The following FAF1 variants were observed in gnomAD, a reference collection of about 807,000 sequenced individuals.
FAF1 encodes the protein Fas associated factor 1.
In FAF1, 25 loss-of-function variants were observed where a neutral mutation model predicts 92.5. That is an observed-to-expected ratio of 0.27 (90% confidence interval 0.20 to 0.38). The LOEUF is 0.38. Ranked by LOEUF, FAF1 falls within the 10% of genes least tolerant of loss-of-function variation. FAF1 has a pLI of 1.00. For missense variants in FAF1, 636 were observed against 793.3 expected (o/e 0.80, Z 2.38); for synonymous variants, 234 against 273.2 (o/e 0.86, Z 1.42).
chr1:50,471,184 T>A (rs921045940), intron 18 of FAF1: 1 of 152,206 alleles, frequency 6.6e-6, no homozygotes, highest in African/African-American at 2.4e-5. Flanking sequence ...ATAGTATCCA[T>A]GTGTTATCGA....
intron 7 of FAF1, among the ~76,000 whole-genome samples, chr1:50,692,176 A>G (rs1656957813): frequency 1.3e-5 from 2 of 151,132 alleles, no homozygotes; most frequent in Admixed American, 1.3e-4. Context: ...TGATTGTGCC[A>G]CTGCACTGCA....
At chr1:50,725,073 G>A (rs1165795917) in intron 6 of FAF1, among the ~76,000 whole-genome samples, 2 of 152,162 alleles carry the variant, frequency 1.3e-5, no homozygotes, top group East Asian at 3.8e-4. Flanking sequence ...TAGGACTCAG[G>A]TCTAGGCCAC....
At chr1:50,670,758 C>G (rs996664724) in intron 7 of FAF1, among the ~76,000 whole-genome samples, 5 of 151,716 alleles carry the variant, frequency 3.3e-5, no homozygotes, top group African/African-American at 1.2e-4. Context: ...ATGGCAAAAC[C>G]CCGTCTCTAT....
chr1:50,746,126 A>C (rs568863109), intron 4 of FAF1, among the ~76,000 whole-genome samples: 1 of 151,252 alleles, frequency 6.6e-6, no homozygotes, highest in East Asian at 1.9e-4. Flanking sequence ...TGAAGTTGAG[A>C]ATGATGACTT....
intron 1 of FAF1, among the ~76,000 whole-genome samples, chr1:50,868,965 C>T (rs919818266): frequency 1.3e-5 from 2 of 152,190 alleles, no homozygotes; most frequent in East Asian, 3.9e-4. Flanking sequence ...ACTGATTCTA[C>T]TTGTTCTATT....
intron 15 of FAF1, among the ~76,000 whole-genome samples, chr1:50,510,651 G>A: frequency 6.6e-6 from 1 of 152,134 alleles, no homozygotes; most frequent in East Asian, 1.9e-4. Context: ...GCACCAGATG[G>A]AATTCAGAAG....
chr1:50,461,520 G>A (rs1306366010), intron 18 of FAF1: 1 of 152,122 alleles, frequency 6.6e-6, no homozygotes, highest in Non-Finnish European at 1.5e-5. Context: ...CAGAAACTGA[G>A]GGTACAAAGG....
intron 1 of FAF1, among the ~76,000 whole-genome samples, chr1:50,875,233 A>G (rs1286092327): frequency 4.6e-5 from 7 of 151,658 alleles, no homozygotes. Context: ...TTATTTTCAG[A>G]CTGTAGATTT....
At chr1:50,637,667 T>TCA (rs1448788737) in intron 8 of FAF1, among the ~76,000 whole-genome samples, 1 of 131,734 alleles carries the variant, frequency 7.6e-6, no homozygotes, top group Non-Finnish European at 1.7e-5. Flanking sequence ...ACTCTGTGGC[T>TCA]CACACATATA....
chr1:50,676,176 G>A (rs1276221770), intron 7 of FAF1, among the ~76,000 whole-genome samples: 1 of 152,108 alleles, frequency 6.6e-6, no homozygotes, highest in East Asian at 1.9e-4. Flanking sequence ...GGAGGCCGAG[G>A]CCAGCAGATC....
At chr1:50,771,753 C>T (rs944758127) in intron 4 of FAF1, among the ~76,000 whole-genome samples, 6 of 151,982 alleles carry the variant, frequency 3.9e-5, no homozygotes, top group Non-Finnish European at 5.9e-5. Flanking sequence ...ATACAAAAAT[C>T]AGCTGGGCGT....
intron 2 of FAF1, among the ~76,000 whole-genome samples, chr1:50,833,157 A>T (rs1428728933): frequency 6.6e-6 from 1 of 152,132 alleles, no homozygotes; most frequent in Non-Finnish European, 1.5e-5. Flanking sequence ...TAGGTTTAAA[A>T]GTCCACAAGA....
At chr1:50,570,696 T>A (rs1650397395) in intron 12 of FAF1, among the ~76,000 whole-genome samples, 1 of 152,184 alleles carries the variant, frequency 6.6e-6, no homozygotes, top group South Asian at 2.1e-4. Context: ...CAACAAAAAA[T>A]TTTCTGCTGC....
intron 2 of FAF1, among the ~76,000 whole-genome samples, chr1:50,819,911 TATAA>T (rs1469729140): frequency 1.4e-5 from 2 of 147,868 alleles, no homozygotes; most frequent in African/African-American, 5.0e-5. Context: ...ATTTATTAAA[TATAA>T]ATAAATATTT....
At position 50,439,928 on chromosome 1, in the gene FAF1, G is replaced by C. The variant is rs1198141260; in HGVS notation, c.*1512C>G. The C allele has an allele frequency of 6.6e-6, 1 of 152,248 alleles. No homozygotes were observed. The allele number at this position is 152,248 out of a possible 1,614,324, so 9.4% of individuals were successfully genotyped here. ...ATGTAGCACTAGTCTGTGCTAGATA[G>C]TAATCTGGAGAGGTCCCTGGTTGGA... On this transcript the variant is annotated 3_prime_UTR_variant, in exon 19 of 19. Coordinates refer to ENST00000396153, the MANE Select transcript of FAF1 (RefSeq NM_007051.3).
chr1:50,736,189 C>G (rs1383242042), intron 6 of FAF1, among the ~76,000 whole-genome samples: 1 of 152,150 alleles, frequency 6.6e-6, no homozygotes, highest in African/African-American at 2.4e-5. Context: ...ACCAATTACA[C>G]AGTTGTTATA....
intron 7 of FAF1, among the ~76,000 whole-genome samples, chr1:50,668,764 T>G (rs1655742464): frequency 6.6e-6 from 1 of 152,160 alleles, no homozygotes; most frequent in South Asian, 2.1e-4. Context: ...GGCTCTGAAA[T>G]GTAGATATAG....
At chr1:50,757,808 C>T (rs11205769) in intron 4 of FAF1, among the ~76,000 whole-genome samples, 71,080 of 151,894 alleles carry the variant, frequency 0.47, 18,739 homozygotes, top group African/African-American at 0.71. Flanking sequence ...TTATCATCTT[C>T]TTTTCTTCAT....
chr1:50,809,356 T>C (rs904781112), intron 2 of FAF1, among the ~76,000 whole-genome samples: 1 of 151,648 alleles, frequency 6.6e-6, no homozygotes, highest in Non-Finnish European at 1.5e-5. Flanking sequence ...AAAACTGACA[T>C]AATAACTAGC....
Sources: allele counts gnomAD v4.1 joint callset (sites outside exome capture counted in the v4.1 genomes callset), GRCh38; gene constraint gnomAD v4.1.1; transcripts MANE v1.5; gene names NCBI Gene and HGNC (gene_info 2026-07-23, HGNC 2026-07-21).